Variants in TASP1 observed in about 807,000 individuals in gnomAD.
TASP1 encodes the protein taspase 1.
TASP1 carries 16 observed loss-of-function variants against 56.6 expected under a neutral mutation model. The observed-to-expected ratio is 0.28, with a 90% CI of 0.19 to 0.43. TASP1 has a LOEUF of 0.43. Among genes scored for constraint, TASP1 ranks in the 20% least tolerant of loss-of-function variants. The pLI is 1.00. For synonymous variants in TASP1, 179 were observed against 184.2 expected (o/e 0.97, Z 0.23); for missense variants, 393 against 511.6 (o/e 0.77, Z 2.24).
intron 4 of TASP1, among the ~76,000 whole-genome samples, chr20:13,606,467 G>A (rs1210793930): frequency 1.3e-5 from 2 of 151,806 alleles, no homozygotes; most frequent in Non-Finnish European, 2.9e-5. Flanking sequence ...CATAATTTTT[G>A]TTTGTCTACC....
the TASP1 span, among the ~76,000 whole-genome samples, chr20:13,169,528 G>A: frequency 6.6e-6 from 1 of 152,272 alleles, no homozygotes. Flanking sequence ...GTCCTTTAGG[G>A]TCAAGTCAAA....
chr20:13,371,963 C>A, the TASP1 span, among the ~76,000 whole-genome samples: 3 of 152,296 alleles, frequency 2.0e-5, no homozygotes, highest in African/African-American at 2.4e-5. Flanking sequence ...TTAGCCATTA[C>A]AACTTCCATG....
intron 11 of TASP1, among the ~76,000 whole-genome samples, chr20:13,444,661 T>C (rs2043337375): frequency 6.6e-6 from 1 of 152,208 alleles, no homozygotes; most frequent in South Asian, 2.1e-4. Flanking sequence ...TCCATCGTCC[T>C]ATAAGATGTA....
the TASP1 span, among the ~76,000 whole-genome samples, chr20:13,293,128 A>T: frequency 1.3e-5 from 2 of 149,592 alleles, no homozygotes; most frequent in East Asian, 4.0e-4. Context: ...TGAACCCAGG[A>T]GGCGGAGGTT....
chr20:13,461,765 A>C (rs962206572), intron 11 of TASP1, among the ~76,000 whole-genome samples: 4 of 152,206 alleles, frequency 2.6e-5, no homozygotes, highest in Non-Finnish European at 4.4e-5. Flanking sequence ...ATTTCACTAC[A>C]TGAGCATTAA....
the TASP1 span, among the ~76,000 whole-genome samples, chr20:13,296,581 T>C: frequency 2.0e-5 from 3 of 151,910 alleles, no homozygotes; most frequent in Non-Finnish European, 2.9e-5. Context: ...CATGATCAGA[T>C]AGTAGATTGG....
the TASP1 span, among the ~76,000 whole-genome samples, chr20:13,335,726 A>G: frequency 1.1e-3 from 174 of 152,214 alleles, no homozygotes; most frequent in Admixed American, 1.8e-3. Context: ...AAATATAATT[A>G]CTGAAATACT....
At chr20:13,333,170 G>A in the TASP1 span, among the ~76,000 whole-genome samples, 2 of 152,214 alleles carry the variant, frequency 1.3e-5, no homozygotes, top group Non-Finnish European at 2.9e-5. Flanking sequence ...TGGATCACAT[G>A]CCCATGCAGC....
the TASP1 span, chr20:13,164,284 G>T: frequency 1.5e-5 from 7 of 465,400 alleles, no homozygotes; most frequent in African/African-American, 1.4e-4. Flanking sequence ...AAAGCAGGAG[G>T]CCTGGGGTAG....
chr20:13,339,691 CA>C, the TASP1 span, among the ~76,000 whole-genome samples: 2 of 152,016 alleles, frequency 1.3e-5, no homozygotes, highest in African/African-American at 2.4e-5. Context: ...CTCAAGTAGA[CA>C]TGGCCTTTCT....
the TASP1 span, among the ~76,000 whole-genome samples, chr20:13,314,485 T>C: frequency 6.6e-6 from 1 of 151,492 alleles, no homozygotes; most frequent in Non-Finnish European, 1.5e-5. Flanking sequence ...TTTAAAGTAT[T>C]GAGAGAGAGA....
chr20:13,292,282 T>G, the TASP1 span: 1 of 769,112 alleles, frequency 1.3e-6, no homozygotes, highest in Non-Finnish European at 2.2e-6. Flanking sequence ...AAAAAAGGCT[T>G]TGTTCAGGTG....
intron 11 of TASP1, among the ~76,000 whole-genome samples, chr20:13,438,166 T>C (rs1181317689): frequency 6.6e-6 from 1 of 152,256 alleles, no homozygotes; most frequent in East Asian, 1.9e-4. Flanking sequence ...TTAAAGTTCA[T>C]ATGGAACCAA....
the TASP1 span, among the ~76,000 whole-genome samples, chr20:13,113,419 C>T: frequency 1.3e-5 from 2 of 152,106 alleles, no homozygotes; most frequent in East Asian, 1.9e-4. Flanking sequence ...AGCCCACATA[C>T]ATCAATTTTT....
At chr20:13,135,806 G>A in the TASP1 span, among the ~76,000 whole-genome samples, 1 of 152,180 alleles carries the variant, frequency 6.6e-6, no homozygotes, top group Non-Finnish European at 1.5e-5. Context: ...ATGGCTATAA[G>A]AAAAATCATA....
chr20:13,137,279 G>A, the TASP1 span, among the ~76,000 whole-genome samples: 515 of 152,250 alleles, frequency 3.4e-3, 3 homozygotes, highest in Non-Finnish European at 5.7e-3. Flanking sequence ...CCATCTGTGG[G>A]GAAGTTGTTG....
the TASP1 span, among the ~76,000 whole-genome samples, chr20:13,345,411 G>A: frequency 2.1e-4 from 32 of 152,282 alleles, no homozygotes; most frequent in South Asian, 1.4e-3. Context: ...GAACCAGCTC[G>A]CAAGGCAATG....
downstream of TASP1, among the ~76,000 whole-genome samples, chr20:13,386,882 T>C (rs1474142351): frequency 6.6e-6 from 1 of 152,192 alleles, no homozygotes; most frequent in African/African-American, 2.4e-5. Context: ...CCAACTTCTA[T>C]TTTAGGTTCA....
chr20:13,551,258 A>G (rs1293118911), intron 8 of TASP1, among the ~76,000 whole-genome samples: 1 of 152,228 alleles, frequency 6.6e-6, no homozygotes, highest in Non-Finnish European at 1.5e-5. Flanking sequence ...ATTCATTCAC[A>G]CAATGGAAAA....
Sources: gnomAD v4.1 joint callset for allele counts (sites outside exome capture counted in the v4.1 genomes callset) on GRCh38, gnomAD v4.1.1 for gene constraint, MANE v1.5 for transcripts, NCBI Gene and HGNC (gene_info 2026-07-23, HGNC 2026-07-21) for gene names.